The following SLC4A4 variants were observed in gnomAD, a reference collection of about 807,000 sequenced individuals.
SLC4A4 encodes the protein electrogenic sodium bicarbonate cotransporter 1.
SLC4A4 carries 27 observed loss-of-function variants against 111.5 expected under a neutral mutation model. That is an observed-to-expected ratio of 0.24 (90% CI 0.18 to 0.33). The LOEUF is 0.33. Ranked by LOEUF, SLC4A4 falls within the 10% of genes least tolerant of loss-of-function variation. The probability of loss-of-function intolerance (pLI) is 1.00; values close to 1 mark genes in which losing one functional copy is unlikely to be tolerated. For synonymous variants in SLC4A4, 443 were observed against 463.4 expected (o/e 0.96, Z 0.57); for missense variants, 909 against 1,315.5 (o/e 0.69, Z 4.78).
chr4:71,305,457 A>C (rs1725605399), intron 3 of SLC4A4, among the ~76,000 whole-genome samples: 1 of 152,222 alleles, frequency 6.6e-6, no homozygotes, highest in Admixed American at 6.5e-5. Flanking sequence ...TAGCATGTTA[A>C]ATGAAAGATG....
At chr4:71,340,463 C>T (rs748733198) in intron 4 of SLC4A4, among the ~76,000 whole-genome samples, 4 of 152,004 alleles carry the variant, frequency 2.6e-5, no homozygotes, top group African/African-American at 7.2e-5. Flanking sequence ...GCCTAATTTA[C>T]AAATTAAACT....
rs1737907851 is a variant in SLC4A4 at position 71,571,092 on chromosome 4, C to T, written c.*3341C>T. 6.6e-6 allele frequency: 1 copy of T among 152,198 alleles called. No individual in the cohort carries two copies. Among genetic ancestry groups the T allele is most frequent in the Non-Finnish European group, 1.5e-5 (1 of 67,844 alleles). The allele number at this position is 152,198 out of a possible 1,614,324, so 9.4% of individuals were successfully genotyped here. On this transcript the variant is annotated 3_prime_UTR_variant, in exon 26 of 26. Coordinates refer to ENST00000264485, the MANE Select transcript of SLC4A4 (RefSeq NM_001098484.3). ...GAGTAAATCTTTTATCAACTGTATA[C>T]TGGTGTTTAATAGAGAATGATTGTC...
intron 1 of SLC4A4, among the ~76,000 whole-genome samples, chr4:71,226,444 A>T (rs1719055213): frequency 6.6e-6 from 1 of 152,222 alleles, no homozygotes; most frequent in Non-Finnish European, 1.5e-5. Context: ...CTTTTTTAGC[A>T]GACAAGGGGA....
chr4:71,332,599 T>C (rs573647290), intron 3 of SLC4A4, among the ~76,000 whole-genome samples: 19 of 151,938 alleles, frequency 1.3e-4, no homozygotes, highest in African/African-American at 4.3e-4. Context: ...CGCCCGCCAC[T>C]GCGCCCGGCT....
chr4:71,524,735 T>G (rs73829825), intron 16 of SLC4A4, among the ~76,000 whole-genome samples: 2,120 of 152,192 alleles, frequency 0.014, 38 homozygotes, highest in South Asian at 0.069. Flanking sequence ...CTTTTTGTGA[T>G]TACCAAAATA....
intron 13 of SLC4A4, among the ~76,000 whole-genome samples, chr4:71,468,795 C>G (rs180939980): frequency 1.3e-4 from 20 of 151,802 alleles, no homozygotes; most frequent in East Asian, 7.8e-4. Context: ...TATATACCCC[C>G]CTCTTGGTAG....
intron 8 of SLC4A4, among the ~76,000 whole-genome samples, chr4:71,444,692 G>A (rs1374591497): frequency 1.3e-5 from 2 of 152,188 alleles, no homozygotes; most frequent in African/African-American, 4.8e-5. Flanking sequence ...TTCTTTGAAG[G>A]TTAAAGGAGA....
chr4:71,129,933 C>T (rs143323823), intron 2 of SLC4A4, among the ~76,000 whole-genome samples: 2 of 152,014 alleles, frequency 1.3e-5, no homozygotes, highest in South Asian at 2.1e-4. Flanking sequence ...CTAAACATTG[C>T]GTACACGTGG....
At chr4:71,488,850 A>G (rs1028992849) in intron 15 of SLC4A4, among the ~76,000 whole-genome samples, 2 of 150,162 alleles carry the variant, frequency 1.3e-5, no homozygotes, top group Non-Finnish European at 3.0e-5. Context: ...TGAAGGTGCT[A>G]TGTTCAGCAC....
At chr4:71,539,315 T>C (rs930920492) in intron 18 of SLC4A4, among the ~76,000 whole-genome samples, 3 of 152,090 alleles carry the variant, frequency 2.0e-5, no homozygotes, top group African/African-American at 2.4e-5. Flanking sequence ...TGTATGTCAG[T>C]CCTGTGTTTT....
Position 71,178,828 on chromosome 4 carries a change from G to C in SLC4A4, c.-1-57748G>C, listed in dbSNP as rs1021532287. On this transcript the variant is annotated intron_variant, in intron 2 of 26. Coordinates refer to the SLC4A4 transcript ENST00000649996. ...GAAACTATTCCAATCAGTAGAAAAA[G>C]AGGGAATCCTCCCTAACTCATTTTA... Among the ~76,000 whole-genome samples the C allele has an allele frequency of 1.4e-4, 21 of 152,334 alleles. 1 individual carries two copies. The highest frequency in any genetic ancestry group is 2.9e-4 in the Non-Finnish European group (20 of 68,032).
intron 16 of SLC4A4, among the ~76,000 whole-genome samples, chr4:71,510,062 G>A (rs971774560): frequency 7.9e-5 from 12 of 152,124 alleles, no homozygotes; most frequent in African/African-American, 2.9e-4. Context: ...ATGCAGCTGT[G>A]TAAACTCCTA....
At chr4:71,141,781 TG>T (rs1261457198) in intron 2 of SLC4A4, among the ~76,000 whole-genome samples, 75 of 152,338 alleles carry the variant, frequency 4.9e-4, no homozygotes, top group African/African-American at 1.7e-3. Context: ...ATTGGATGGA[TG>T]AATCAATTCA....
intron 3 of SLC4A4, among the ~76,000 whole-genome samples, chr4:71,323,362 G>GAAACTCATTTAGAACTGGAAT (rs1268328958): frequency 6.6e-6 from 1 of 151,824 alleles, no homozygotes; most frequent in African/African-American, 2.4e-5. Flanking sequence ...GCAAGTGCAA[G>GAAACTCATTTAGAACTGGAAT]AAACTCATTT....
At chr4:71,335,187 A>G (rs144129567) in intron 3 of SLC4A4, among the ~76,000 whole-genome samples, 1 of 152,332 alleles carries the variant, frequency 6.6e-6, no homozygotes, top group African/African-American at 2.4e-5. Flanking sequence ...CCTATATAGC[A>G]AACCTGCACA....
chr4:71,539,956 A>G (rs1237505133), intron 18 of SLC4A4, among the ~76,000 whole-genome samples: 2 of 152,162 alleles, frequency 1.3e-5, no homozygotes, highest in Non-Finnish European at 1.5e-5. Flanking sequence ...GTGTGCTTAT[A>G]TTGGTCAAAG....
intron 2 of SLC4A4, among the ~76,000 whole-genome samples, chr4:71,124,785 G>A (rs532482273): frequency 1.3e-5 from 2 of 152,040 alleles, no homozygotes; most frequent in Non-Finnish European, 2.9e-5. Flanking sequence ...TCTCCAAAGC[G>A]AGGGGTGTGG....
intron 7 of SLC4A4, chr4:71,437,419 A>G (rs1424020107): frequency 2.0e-5 from 6 of 299,294 alleles, no homozygotes; most frequent in South Asian, 6.5e-5. Flanking sequence ...AATACTGGAA[A>G]TAATTAATTT....
At chr4:71,192,945 G>A (rs1321947855) in intron 1 of SLC4A4, among the ~76,000 whole-genome samples, 3 of 152,118 alleles carry the variant, frequency 2.0e-5, no homozygotes, top group South Asian at 2.1e-4. Context: ...TTAATTACAC[G>A]GTGTGTATTC....
Sources: gnomAD v4.1 joint callset for allele counts (sites outside exome capture counted in the v4.1 genomes callset) on GRCh38, gnomAD v4.1.1 for gene constraint, MANE v1.5 for transcripts, NCBI Gene and HGNC (gene_info 2026-07-23, HGNC 2026-07-21) for gene names.